The following TERB1 variants were observed in gnomAD, a reference collection of about 807,000 sequenced individuals.
TERB1 encodes telomere repeat binding bouquet formation protein 1, also known as telomere repeats-binding bouquet formation protein 1.
TERB1 carries 63 observed loss-of-function variants against 92.3 expected under a neutral mutation model. The ratio of observed to expected loss-of-function variants is 0.68; its 90% CI spans 0.56 to 0.84. The LOEUF is 0.84. Among genes scored for constraint, TERB1 ranks in the 40% least tolerant of loss-of-function variants. The pLI, the probability that TERB1 is intolerant of heterozygous loss-of-function variation, is 0.00. For synonymous variants in TERB1, 252 were observed against 283.9 expected (o/e 0.89, Z 1.13); for missense variants, 709 against 843.7 (o/e 0.84, Z 1.98).
intron 3 of TERB1, among the ~76,000 whole-genome samples, chr16:66,791,458 A>G (rs2018834122): frequency 6.6e-6 from 1 of 152,146 alleles, no homozygotes; most frequent in African/African-American, 2.4e-5. Flanking sequence ...ATTAAACCCA[A>G]TATAGGTACA....
intron 14 of TERB1, 99 bp from the exon 15 acceptor site, chr16:66,768,267 G>T: frequency 1.1e-6 from 1 of 900,926 alleles, no homozygotes; most frequent in Non-Finnish European, 1.7e-6. Context: ...GGTGTTTGGT[G>T]GGCAAAAGCA....
chr16:66,762,074 T>C (rs2018260908), intron 16 of TERB1, among the ~76,000 whole-genome samples: 1 of 152,152 alleles, frequency 6.6e-6, no homozygotes, highest in Non-Finnish European at 1.5e-5. Flanking sequence ...AAGGAATATC[T>C]AGTTTGTCTG....
chr16:66,759,035 T>G, intron 17 of TERB1, 106 bp downstream of exon 17: 2 of 1,120,004 alleles, frequency 1.8e-6, no homozygotes, highest in Non-Finnish European at 2.5e-6. Context: ...ACAGATTTTC[T>G]TTTTAAGATT....
In TERB1 at chr16:66,782,499, G is replaced by A. The variant is rs183313858; in HGVS notation, c.700+3287C>T. ...TGGGAGGTGGAGGTTGTAGTGAGTC[G>A]AGACTGTACCATGCACGCCAGCCTG... On this transcript the variant is annotated intron_variant, in intron 9 of 18. Coordinates refer to ENST00000433154, the MANE Select transcript of TERB1 (RefSeq NM_001136505.2). Among the ~76,000 whole-genome samples the A allele has an allele frequency of 4.0e-5, 6 of 149,706 alleles. No individual in the cohort carries two copies. In the East Asian group the frequency reaches 9.8e-4, roughly 25 times the overall value.
intron 9 of TERB1, among the ~76,000 whole-genome samples, chr16:66,781,663 G>C (rs1228494505): frequency 1.3e-5 from 2 of 151,806 alleles, no homozygotes; most frequent in African/African-American, 4.8e-5. Flanking sequence ...GGGACTACAG[G>C]CGCCCACCAC....
chr16:66,759,378 C>A, intron 16 of TERB1, 88 bp from the exon 17 acceptor site: 1 of 1,111,264 alleles, frequency 9.0e-7, no homozygotes, highest in Non-Finnish European at 1.2e-6. Flanking sequence ...ATGATGGTAA[C>A]TGAAGTAAAA....
At chr16:66,758,658 T>C (rs2018176577) in intron 18 of TERB1, 115 bp downstream of exon 18, 2 of 625,926 alleles carry the variant, frequency 3.2e-6, no homozygotes, top group African/African-American at 3.8e-5. Flanking sequence ...GGAGAATCAC[T>C]TGAACCTGGG....
chr16:66,780,153 C>T (rs2018612824), intron 9 of TERB1, among the ~76,000 whole-genome samples: 1 of 152,216 alleles, frequency 6.6e-6, no homozygotes, highest in Non-Finnish European at 1.5e-5. Flanking sequence ...AGGCGTGAGC[C>T]ATGGCGCCCA....
chr16:66,775,024 T>C, intron 12 of TERB1, 94 bp downstream of exon 12: 2 of 1,305,090 alleles, frequency 1.5e-6, no homozygotes, highest in Non-Finnish European at 2.1e-6. Context: ...GTAAGAAGAA[T>C]CTGAGAGCTA....
At chr16:66,767,278 G>A (rs1398456050) in intron 16 of TERB1, 137 bp downstream of exon 16, 1 of 551,278 alleles carries the variant, frequency 1.8e-6, no homozygotes, top group East Asian at 3.7e-5. Context: ...GGTGGAGAGT[G>A]CAGTGAGCCA....
At chr16:66,775,779 T>C (rs2018538403) in intron 11 of TERB1, among the ~76,000 whole-genome samples, 1 of 149,334 alleles carries the variant, frequency 6.7e-6, no homozygotes, top group African/African-American at 2.5e-5. Context: ...GGCACAATCT[T>C]GGCTCACTGC....
intron 11 of TERB1, 55 bp from the exon 12 acceptor site, chr16:66,775,298 G>A: frequency 7.0e-7 from 1 of 1,430,268 alleles, no homozygotes; most frequent in Non-Finnish European, 9.5e-7. Flanking sequence ...ATCTATATGA[G>A]GTCATAATTC....
At chr16:66,763,719 T>G (rs2018290952) in intron 16 of TERB1, among the ~76,000 whole-genome samples, 1 of 152,130 alleles carries the variant, frequency 6.6e-6, no homozygotes, top group South Asian at 2.1e-4. Context: ...TGCACACGTA[T>G]CCCTGAACTT....
chr16:66,797,623 C>CCCCACA (rs113909475), intron 2 of TERB1, among the ~76,000 whole-genome samples: 1 of 140,846 alleles, frequency 7.1e-6, no homozygotes, highest in African/African-American at 2.7e-5. Context: ...TAAAAACACA[C>CCCCACA]CACACACACA....
rs376145995 is a variant in TERB1 at position 66,761,451 on chromosome 16, CAAAAA to C, written c.1781-2166_1781-2162del. 5.6e-5 allele frequency among the ~76,000 whole-genome samples: 6 copies of C among 107,186 alleles called. No homozygotes were observed. The East Asian group carries it at 7.9e-4, about 14-fold the overall frequency. 70.3% of individuals were successfully genotyped at this position (107,186 alleles called of 152,430 possible). A position where few individuals can be genotyped will look rare whatever the true frequency, so the allele number is the denominator to read the frequency against. ...TGGGTGACAGAACAAGACTCTGTCT[CAAAAA>C]AAAAAAAAAAAAGAAAGAAAGAAAG... On this transcript the variant is annotated intron_variant, in intron 16 of 18. Transcript: ENST00000433154.
intron 9 of TERB1, among the ~76,000 whole-genome samples, 156 bp downstream of exon 9, chr16:66,785,630 T>C (rs1315222386): frequency 5.3e-5 from 8 of 152,172 alleles, no homozygotes; most frequent in Non-Finnish European, 4.4e-5. Flanking sequence ...TCTAAAAATA[T>C]CTACTTTTAA....
At position 66,770,261 on chromosome 16, in the gene TERB1, T is replaced by C. The variant is rs956954949; in HGVS notation, c.1321A>G (p.Ile441Val). The C allele has an allele frequency of 7.1e-6, 11 of 1,551,358 alleles. No individual in the cohort carries two copies. Among genetic ancestry groups the C allele is most frequent in the South Asian group, 2.4e-5 (2 of 83,822 alleles). ...NYQDNISSMN[I>V]SIQNTWKHLH... The stretch of plus-strand genomic sequence containing the variant: ...TGTTTCCATGTATTCTGAATACTTA[T>C]GTTCATAGATGAAATATTATCCTGA... The change falls in exon 14 of 19, where the codon ATA becomes GTA. Residue 441 changes from isoleucine to valine, a missense_variant. By Grantham distance (29) the Ile-to-Val change is conservative. Transcript: ENST00000433154.
At chr16:66,756,809 G>A (rs1185259154) in intron 18 of TERB1, among the ~76,000 whole-genome samples, 2 of 152,178 alleles carry the variant, frequency 1.3e-5, no homozygotes, top group Admixed American at 1.3e-4. Context: ...GAAGGAAGCA[G>A]CTCTCTACAC....
chr16:66,782,618 A>G lies in TERB1; in HGVS notation c.700+3168T>C, dbSNP rs373932329. On this transcript the variant is annotated intron_variant, in intron 9 of 18. Coordinates refer to ENST00000433154, the MANE Select transcript of TERB1 (RefSeq NM_001136505.2). ...AAAGCCACGCTTTCTTGATTTCTGT[A>G]TAAGTATTAAAATCAGGCAACACAG... is the stretch of plus-strand genomic sequence containing the variant. Among the ~76,000 whole-genome samples, 8 of 151,656 alleles carry G rather than the reference A, an allele frequency of 5.3e-5. No homozygotes were observed. In the East Asian group the frequency reaches 9.7e-4, roughly 18 times the overall value.
Sources: allele counts gnomAD v4.1 joint callset (sites outside exome capture counted in the v4.1 genomes callset), GRCh38; gene constraint gnomAD v4.1.1; transcripts MANE v1.5; gene names NCBI Gene and HGNC (gene_info 2026-07-23, HGNC 2026-07-21).